The following TMEM117 variants were observed in gnomAD, a reference collection of about 807,000 sequenced individuals.
TMEM117 encodes transmembrane protein 117.
TMEM117 carries 27 observed loss-of-function variants against 52.4 expected under a neutral mutation model. The ratio of observed to expected loss-of-function variants is 0.51; its 90% CI spans 0.38 to 0.71. The LOEUF is 0.71. TMEM117 is among the 30% of genes least tolerant of loss of function. The pLI, the probability that TMEM117 is intolerant of heterozygous loss-of-function variation, is 0.00. For synonymous variants in TMEM117, 215 were observed against 206.3 expected (o/e 1.04, Z -0.36); for missense variants, 556 against 630.5 (o/e 0.88, Z 1.26).
chr12:44,085,474 T>G (rs1328361539), intron 3 of TMEM117, among the ~76,000 whole-genome samples: 1 of 152,246 alleles, frequency 6.6e-6, no homozygotes, highest in Non-Finnish European at 1.5e-5. Flanking sequence ...GTATAATCAC[T>G]CTGTCTGGTT....
At position 44,106,652 on chromosome 12, in the gene TMEM117, T is replaced by A. The variant is rs574634055; in HGVS notation, c.411-36873T>A. ...CATAAATATATACAAATATAATTTG[T>A]CAATTTTTAATAAAAAATTAAACAA... On this transcript the variant is annotated intron_variant, in intron 3 of 7. Transcript: ENST00000266534. 5.9e-5 allele frequency among the ~76,000 whole-genome samples: 9 copies of A among 152,112 alleles called. No homozygotes were observed. The South Asian group carries it at 1.9e-3, about 32-fold the overall frequency.
chr12:44,279,757 G>A (rs1055996475), intron 5 of TMEM117, among the ~76,000 whole-genome samples: 5 of 152,134 alleles, frequency 3.3e-5, no homozygotes, highest in East Asian at 1.9e-4. Flanking sequence ...CAGGTGATCC[G>A]CCCACCCTGG....
intron 2 of TMEM117, among the ~76,000 whole-genome samples, chr12:43,876,328 G>T (rs577820144): frequency 6.6e-6 from 1 of 152,186 alleles, no homozygotes; most frequent in African/African-American, 2.4e-5. Flanking sequence ...TGCCATGCGG[G>T]GCCCAACCAG....
At chr12:43,847,878 G>T (rs10880575) in intron 2 of TMEM117, among the ~76,000 whole-genome samples, 9 of 152,012 alleles carry the variant, frequency 5.9e-5, no homozygotes, top group Non-Finnish European at 4.4e-5. Flanking sequence ...AGTGTTGGCC[G>T]GCTGAGAAAT....
the TMEM117 span, among the ~76,000 whole-genome samples, chr12:43,814,869 C>T: frequency 2.6e-4 from 40 of 151,652 alleles, no homozygotes; most frequent in Admixed American, 1.5e-3. Context: ...CTCAGCCTCT[C>T]GAGTAGCTGG....
At chr12:43,820,754 C>G in the TMEM117 span, among the ~76,000 whole-genome samples, 73 of 152,218 alleles carry the variant, frequency 4.8e-4, no homozygotes, top group African/African-American at 1.7e-3. Context: ...GTCTCAAACA[C>G]ACATAGACAA....
At chr12:44,208,824 T>G (rs1949608716) in intron 4 of TMEM117, among the ~76,000 whole-genome samples, 1 of 150,386 alleles carries the variant, frequency 6.6e-6, no homozygotes, top group South Asian at 2.1e-4. Flanking sequence ...GCTGTAGTAA[T>G]TGGTCATACA....
chr12:44,243,880 A>G (rs1950096059), intron 5 of TMEM117, among the ~76,000 whole-genome samples: 1 of 151,896 alleles, frequency 6.6e-6, no homozygotes, highest in African/African-American at 2.4e-5. Flanking sequence ...ACCATGCAGT[A>G]CTTGTCTTTC....
At chr12:43,943,713 A>T (rs1322592843) in intron 2 of TMEM117, among the ~76,000 whole-genome samples, 1 of 152,122 alleles carries the variant, frequency 6.6e-6, no homozygotes, top group East Asian at 1.9e-4. Context: ...CAGAGACTTA[A>T]TTTTTTCTTT....
the TMEM117 span, among the ~76,000 whole-genome samples, chr12:43,810,679 G>A: frequency 6.6e-6 from 1 of 152,314 alleles, no homozygotes; most frequent in Middle Eastern, 3.4e-3. Flanking sequence ...GGGCAGGGAT[G>A]CTCAGTGAGA....
intron 2 of TMEM117, among the ~76,000 whole-genome samples, chr12:43,918,983 A>G (rs1361135956): frequency 6.6e-6 from 1 of 152,058 alleles, no homozygotes; most frequent in East Asian, 1.9e-4. Flanking sequence ...GCTCTTCTTT[A>G]ATTTCCAGTT....
chr12:43,861,898 A>G (rs994581994), intron 2 of TMEM117, among the ~76,000 whole-genome samples: 1 of 152,130 alleles, frequency 6.6e-6, no homozygotes, highest in Non-Finnish European at 1.5e-5. Context: ...AATTCATCAG[A>G]TATTTTTGTC....
chr12:43,910,140 T>C (rs1352096940), intron 2 of TMEM117, among the ~76,000 whole-genome samples: 7 of 139,490 alleles, frequency 5.0e-5, no homozygotes, highest in African/African-American at 1.8e-4. Context: ...AAAAAGCTTA[T>C]CCACCATGAT....
chr12:44,098,000 A>G (rs762594373), intron 3 of TMEM117, among the ~76,000 whole-genome samples: 1 of 152,052 alleles, frequency 6.6e-6, no homozygotes, highest in Non-Finnish European at 1.5e-5. Context: ...TAAGAGTCCA[A>G]TTTAATAAGT....
intron 2 of TMEM117, among the ~76,000 whole-genome samples, chr12:43,913,220 A>G (rs1944545580): frequency 6.6e-6 from 1 of 152,152 alleles, no homozygotes; most frequent in African/African-American, 2.4e-5. Flanking sequence ...GACTCCAGGT[A>G]GGAAGCCTGG....
intron 3 of TMEM117, among the ~76,000 whole-genome samples, chr12:44,094,335 A>G (rs751974475): frequency 6.6e-6 from 1 of 152,080 alleles, no homozygotes; most frequent in Non-Finnish European, 1.5e-5. Flanking sequence ...AGCGGCATGC[A>G]TTTGGTAATT....
chr12:43,999,459 A>C (rs1946082271), intron 3 of TMEM117, among the ~76,000 whole-genome samples: 1 of 152,212 alleles, frequency 6.6e-6, no homozygotes, highest in South Asian at 2.1e-4. Context: ...ATGTATTAAA[A>C]ATCCCACTTC....
chr12:43,904,995 T>C (rs768937956), intron 2 of TMEM117, among the ~76,000 whole-genome samples: 3 of 152,022 alleles, frequency 2.0e-5, no homozygotes, highest in Non-Finnish European at 4.4e-5. Flanking sequence ...AATACAAAAT[T>C]AGCTGGGCGT....
intron 2 of TMEM117, among the ~76,000 whole-genome samples, chr12:43,905,510 T>C (rs1314085465): frequency 6.6e-6 from 1 of 152,174 alleles, no homozygotes; most frequent in Non-Finnish European, 1.5e-5. Flanking sequence ...ACTTTATTTA[T>C]TTTTAAATAT....
Sources: allele counts gnomAD v4.1 joint callset (sites outside exome capture counted in the v4.1 genomes callset), GRCh38; gene constraint gnomAD v4.1.1; transcripts MANE v1.5; gene names NCBI Gene and HGNC (gene_info 2026-07-23, HGNC 2026-07-21).